TTC21A: variants seen among roughly 807,000 people sequenced by gnomAD.
The protein encoded by TTC21A is tetratricopeptide repeat domain 21A.
TTC21A carries 128 observed loss-of-function variants against 156.4 expected under a neutral mutation model. The ratio of observed to expected loss-of-function variants is 0.82; its 90% CI spans 0.71 to 0.95. The LOEUF (loss-of-function observed/expected upper bound fraction) is 0.95, where lower values mean the gene tolerates loss of function less well. TTC21A is among the 40% of genes least tolerant of loss of function. The pLI is 0.00. For synonymous variants in TTC21A, 587 were observed against 617.1 expected, an observed-to-expected ratio of 0.95 and a Z score of 0.72; for missense variants, 1,435 against 1,602.3, an observed-to-expected ratio of 0.90 and a Z score of 1.78.
In TTC21A at chr3:39,109,220, G is replaced by A. The variant is rs762889184; in HGVS notation, c.157+6G>A. On this transcript the variant is annotated splice_donor_region_variant and intron_variant, in intron 2 of 28. Coordinates refer to ENST00000683103, the MANE Select transcript of TTC21A (RefSeq NM_001366900.1). ...CTATGGAGTCCTCAAAGAAGGTAAG[G>A]ACTTGGCAGTGTTGGTCTTGTGACC... 16 of 1,610,606 alleles carry A rather than the reference G, an allele frequency of 9.9e-6. No individual in the cohort carries two copies. The highest frequency in any genetic ancestry group is 1.4e-5 in the Non-Finnish European group (16 of 1,177,172).
rs1338042108 is a variant in TTC21A at position 39,121,014 on chromosome 3, G to A, written c.918G>A (p.Val306=). ...TCTTGCAGTGTGGGAGTCACCAGGTGATTCTAGGGCTAGTGTGTAGTTTCA... is the reference window on the plus strand; with the variant it reads ...TCTTGCAGTGTGGGAGTCACCAGGTAATTCTAGGGCTAGTGTGTAGTTTCA... The part of the protein sequence containing the change: ...VVSRLCGSHQ[V]ILGLVCSFIE... Residue 306 remains valine (V), a synonymous_variant, in exon 9 of 29, where the codon GTG becomes GTA. Transcript: ENST00000683103. 2 of 1,609,086 alleles carry A rather than the reference G, an allele frequency of 1.2e-6. No individual in the cohort carries two copies. Among genetic ancestry groups the A allele is most frequent in the Admixed American group, 3.4e-5 (2 of 59,624 alleles).
chr3:39,133,312 G>A (rs1192631021), intron 20 of TTC21A, 72 bp downstream of exon 20: 1 of 1,459,446 alleles, frequency 6.9e-7, no homozygotes, highest in South Asian at 1.2e-5. Context: ...CACTGACCAG[G>A]TACAGGGGCC....
At position 39,110,928 on chromosome 3, in the gene TTC21A, G is replaced by T. The variant is rs1025691503; in HGVS notation, c.346G>T (p.Ala116Ser). The T allele has an allele frequency of 1.1e-5, 17 of 1,613,978 alleles. No individual in the cohort carries two copies. The highest frequency in any genetic ancestry group is 1.4e-5 in the Non-Finnish European group (16 of 1,180,044). ...KTVSGTALYY[A>S]GLFLWLIGRH... ...AGTCAGTGGGACTGCACTGTACTATGCTGGCCTTTTCCTCTGGCTCATAGG... is the reference window on the plus strand; with the variant it reads ...AGTCAGTGGGACTGCACTGTACTATTCTGGCCTTTTCCTCTGGCTCATAGG... Residue 116 changes from alanine to serine, a missense_variant, in exon 4 of 29, where the codon GCT (alanine) becomes TCT (serine). Coordinates refer to ENST00000683103, the MANE Select transcript of TTC21A (RefSeq NM_001366900.1).
intron 22 of TTC21A, 29 bp downstream of exon 22, chr3:39,135,203 C>G (rs375417604): frequency 3.6e-5 from 58 of 1,589,250 alleles, no homozygotes; most frequent in Non-Finnish European, 4.8e-5. Context: ...ACTGCCTGTA[C>G]CAGTTCCCAC....
chr3:39,120,946 T>A (rs749129126), intron 8 of TTC21A, 51 bp from the exon 9 acceptor site: 10 of 1,507,876 alleles, frequency 6.6e-6, no homozygotes, highest in Non-Finnish European at 6.3e-6. Context: ...ACCTTGCTCA[T>A]ACAGGCTGGA....
chr3:39,136,652 G>A (rs544188691), intron 23 of TTC21A, 145 bp downstream of exon 23: 47 of 1,149,586 alleles, frequency 4.1e-5, no homozygotes, highest in Middle Eastern at 5.9e-4. Flanking sequence ...ATGGGGGCAG[G>A]GGTGGAACCC....
rs2039238254 is a variant in TTC21A at position 39,137,681 on chromosome 3, C to T, written c.3646C>T (p.Leu1216=). 1.2e-6 allele frequency: 2 copies of T among 1,613,572 alleles called. No individual in the cohort carries two copies. Among genetic ancestry groups the T allele is most frequent in the Non-Finnish European group, 8.5e-7 (1 of 1,179,794 alleles). ...QGSKFDLALE[L]LRRCVQYNKS... ...CAGCAAGTTCGACCTCGCCTTAGAA[C>T]TGCTGCGGCGCTGTGTGCAATACAA... The change falls in exon 26 of 29, where the codon CTG becomes TTG. Residue 1216 remains leucine, a synonymous_variant. Coordinates refer to ENST00000683103, the MANE Select transcript of TTC21A (RefSeq NM_001366900.1).
At chr3:39,114,250 G>A (rs2037082958) in intron 5 of TTC21A, among the ~76,000 whole-genome samples, 1 of 152,218 alleles carries the variant, frequency 6.6e-6, no homozygotes, top group Non-Finnish European at 1.5e-5. Flanking sequence ...GTATGGAACT[G>A]GAAAGCACCC....
chr3:39,121,183 T>A lies in TTC21A; in HGVS notation c.1087T>A (p.Leu363Met). ...MKLDKDGMAG[L>M]TGIILCHILE... ...ACTGGACAAGGATGGCATGGCTGGT[T>A]TGACAGGTATATGCAGGTGTGGCAG... The change falls in exon 9 of 29, where the codon TTG becomes ATG. Residue 363 changes from leucine (L) to methionine (M), a missense_variant. Physicochemically the swap from Leu to Met is conservative, Grantham distance 15. Transcript: ENST00000683103. The A allele has an allele frequency of 6.2e-7, 1 of 1,612,348 alleles. No individual in the cohort carries two copies. The highest frequency in any genetic ancestry group is 8.5e-7 in the Non-Finnish European group (1 of 1,178,920).
Position 39,107,863 on chromosome 3 carries a change from T to C in TTC21A, c.26T>C (p.Met9Thr), listed in dbSNP as rs773706622. 4 of 1,612,870 alleles carry C rather than the reference T, an allele frequency of 2.5e-6. No homozygotes were observed. Among genetic ancestry groups the C allele is most frequent in the South Asian group, 2.2e-5 (2 of 91,080 alleles). The stretch of plus-strand genomic sequence containing the variant: ...ATGAGCAGCAATGACTCCTCCCTTA[T>C]GGTGCGTGGCCCGGGCGCTGTCCGA... MSSNDSSL[M>T]AGIIYYSQEK... is the part of the protein sequence containing the mutation. The change falls in exon 1 of 29, where the codon ATG becomes ACG. Residue 9 changes from methionine (M) to threonine (T), a missense_variant and splice_region_variant. Met to Thr is a moderately conservative substitution (Grantham distance 81). Transcript: ENST00000683103.
In TTC21A at chr3:39,133,159, G is replaced by T; in HGVS notation, c.2670G>T (p.Glu890Asp). ...LAASICIQFAEHYLAEKEYDK... is the reference protein window; with the variant it reads ...LAASICIQFADHYLAEKEYDK... ...CCTCTATCTGCATCCAATTTGCAGA[G>T]CACTACCTGGCAGAGAAAGAGTATG... The change falls in exon 20 of 29, where the codon GAG becomes GAT. Residue 890 changes from glutamate (E) to aspartate (D), a missense_variant. Physicochemically the swap from Glu to Asp is conservative, Grantham distance 45. Coordinates refer to ENST00000683103, the MANE Select transcript of TTC21A (RefSeq NM_001366900.1). The T allele has an allele frequency of 6.2e-7, 1 of 1,614,232 alleles. No homozygotes were observed. Among genetic ancestry groups the T allele is most frequent in the South Asian group, 1.1e-5 (1 of 91,088 alleles).
At chr3:39,110,812 A>G in intron 3 of TTC21A, 39 bp from the exon 4 acceptor site, 3 of 1,611,318 alleles carry the variant, frequency 1.9e-6, no homozygotes, top group Non-Finnish European at 2.5e-6. Context: ...AGACTTCCAC[A>G]TCCTAACTCT....
At chr3:39,138,210 C>A in intron 26 of TTC21A, 57 bp from the exon 27 acceptor site, 1 of 1,609,896 alleles carries the variant, frequency 6.2e-7, no homozygotes, top group Non-Finnish European at 8.5e-7. Flanking sequence ...CCACCCTGGC[C>A]CAGGGAACCA....
At chr3:39,113,650 A>G (rs532307370) in intron 5 of TTC21A, among the ~76,000 whole-genome samples, 22 of 152,340 alleles carry the variant, frequency 1.4e-4, no homozygotes, top group African/African-American at 5.3e-4. Flanking sequence ...GTGTTGGTCT[A>G]TAACGTAGTT....
At chr3:39,126,665 GCA>G (rs1197143028) in intron 12 of TTC21A, among the ~76,000 whole-genome samples, 7 of 149,130 alleles carry the variant, frequency 4.7e-5, no homozygotes, top group Admixed American at 4.7e-4. Context: ...GCACACACGT[GCA>G]CACACACACA....
intron 15 of TTC21A, among the ~76,000 whole-genome samples, chr3:39,129,744 A>G (rs1011382003): frequency 6.6e-6 from 1 of 152,236 alleles, no homozygotes; most frequent in African/African-American, 2.4e-5. Context: ...GCTATCCAGC[A>G]GTGGGAAACC....
intron 7 of TTC21A, 134 bp from the exon 8 acceptor site, chr3:39,119,788 C>CT (rs1018591576): frequency 9.1e-6 from 6 of 660,158 alleles, no homozygotes; most frequent in Middle Eastern, 3.1e-4. Context: ...ATCTGAATTT[C>CT]TGGGGGGTTG....
chr3:39,137,584 C>T lies in TTC21A; in HGVS notation c.3549C>T (p.Thr1183=). 6.2e-7 allele frequency: 1 copy of T among 1,614,240 alleles called. No individual in the cohort carries two copies. Among genetic ancestry groups the T allele is most frequent in the African/African-American group, 1.3e-5 (1 of 75,054 alleles). Residue 1183 remains threonine (T), a synonymous_variant, in exon 26 of 29, where the codon ACC becomes ACT. Transcript: ENST00000683103. ...TGCAGTTGAAGCGCCTGGCCAAGACCCCCTGGGTGCTGAGTGAGGCTGAGG... is the reference window on the plus strand; with the variant it reads ...TGCAGTTGAAGCGCCTGGCCAAGACTCCCTGGGTGCTGAGTGAGGCTGAGG... The part of the protein sequence containing the change: ...ARMQLKRLAK[T]PWVLSEAEDL...
intron 23 of TTC21A, 155 bp from the exon 24 acceptor site, chr3:39,136,742 AAC>A: frequency 9.7e-7 from 1 of 1,033,904 alleles, no homozygotes; most frequent in Non-Finnish European, 1.4e-6. Context: ...GCCTGCATCC[AAC>A]ACACAGGTCC....
Sources: allele counts gnomAD v4.1 joint callset (sites outside exome capture counted in the v4.1 genomes callset), GRCh38; gene constraint gnomAD v4.1.1; transcripts MANE v1.5; gene names NCBI Gene and HGNC (gene_info 2026-07-23, HGNC 2026-07-21).